Variants in OPHN1 observed in about 807,000 individuals in gnomAD.
OPHN1 encodes the protein oligophrenin-1.
OPHN1 carries 11 observed loss-of-function variants against 60.7 expected under a neutral mutation model. That is an observed-to-expected ratio of 0.18 (90% CI 0.11 to 0.30). The LOEUF (loss-of-function observed/expected upper bound fraction) is 0.30, where lower values mean the gene tolerates loss of function less well. Among genes scored for constraint, OPHN1 ranks in the 10% least tolerant of loss-of-function variants. The pLI, the probability that OPHN1 is intolerant of heterozygous loss-of-function variation, is 1.00. For synonymous variants in OPHN1, 226 were observed against 222.6 expected (o/e 1.02, Z -0.14); for missense variants, 449 against 611.0 (o/e 0.73, Z 2.80).
chrX:68,050,009 G>A lies in OPHN1; in HGVS notation c.2376-1552C>T, dbSNP rs531182685. Among the ~76,000 whole-genome samples, 11 of 111,890 alleles carry A rather than the reference G, an allele frequency of 9.8e-5. No homozygotes were observed. The South Asian group carries it at 3.0e-3, about 31-fold the overall frequency. On this transcript the variant is annotated intron_variant, in intron 23 of 24. Coordinates refer to ENST00000355520, the MANE Select transcript of OPHN1 (RefSeq NM_002547.3). The stretch of plus-strand genomic sequence containing the variant: ...AGGCCGTAGTCAGGTATACAAATGG[G>A]GACCAAAAAGGGGCAAGACAAAGTT...
chrX:68,340,615 A>G (rs2078346615), intron 2 of OPHN1, among the ~76,000 whole-genome samples: 1 of 112,133 alleles, frequency 8.9e-6, no homozygotes, highest in African/African-American at 3.2e-5. Flanking sequence ...AAGAAAACAT[A>G]GGGATAAATC....
At position 68,125,930 on chromosome X, in the gene OPHN1, A is replaced by AATATATATATATATATATATAT. The variant is rs59058075; in HGVS notation, c.1277-6620_1277-6599dup. Among the ~76,000 whole-genome samples the AATATATATATATATATATATAT allele has an allele frequency of 4.1e-3, 90 of 22,198 alleles. 1 individual carries two copies. Among genetic ancestry groups the AATATATATATATATATATATAT allele is most frequent in the African/African-American group, 5.7e-3 (53 of 9,301 alleles). 19.3% of individuals were successfully genotyped at this position (22,198 alleles called of 115,157 possible). The stretch of plus-strand genomic sequence containing the variant: ...AAGCTATTGGCCATAACCACTGATC[A>AATATATATATATATATATATAT]ATATATATATATATATATATATATA... On this transcript the variant is annotated intron_variant, in intron 15 of 24. Coordinates refer to ENST00000355520, the MANE Select transcript of OPHN1 (RefSeq NM_002547.3).
chrX:68,347,897 G>T (rs1277889957), intron 2 of OPHN1, among the ~76,000 whole-genome samples: 1 of 111,860 alleles, frequency 8.9e-6, no homozygotes, highest in East Asian at 2.8e-4. Context: ...ATGGATTTTG[G>T]AGACAAAAGT....
At chrX:68,367,279 G>A (rs1400319002) in intron 2 of OPHN1, among the ~76,000 whole-genome samples, 1 of 106,984 alleles carries the variant, frequency 9.3e-6, no homozygotes, top group African/African-American at 3.4e-5. Flanking sequence ...ACTTGAACCC[G>A]GGAGGCAGAT....
chrX:68,185,212 A>G (rs895325730), intron 15 of OPHN1, among the ~76,000 whole-genome samples: 1 of 112,693 alleles, frequency 8.9e-6, no homozygotes, highest in African/African-American at 3.2e-5. Context: ...AACAAAAGCT[A>G]TATTTTGTGA....
intron 11 of OPHN1, among the ~76,000 whole-genome samples, chrX:68,197,768 G>A (rs2077518884): frequency 9.0e-6 from 1 of 111,699 alleles, no homozygotes; most frequent in African/African-American, 3.3e-5. Flanking sequence ...ACACAGGGAG[G>A]AGGCGTTTTG....
intron 18 of OPHN1, among the ~76,000 whole-genome samples, chrX:68,105,492 A>C (rs993112663): frequency 9.0e-6 from 1 of 110,743 alleles, no homozygotes; most frequent in Non-Finnish European, 1.9e-5. Context: ...AAAGGATGAG[A>C]TCATGTCCTT....
chrX:68,071,194 AGC>A, intron 20 of OPHN1: 1 of 667,849 alleles, frequency 1.5e-6, no homozygotes, highest in South Asian at 2.2e-5. Flanking sequence ...AAAGTAGTTC[AGC>A]TCCTTCTTCA....
In OPHN1 at chrX:68,046,275, A is replaced by G. The variant is rs781601760; in HGVS notation, c.*897T>C. ...AAGGCAAACATGAAGCAGCAGTGAC[A>G]GCTGCCTGGCCTCAATCCACCTTAA... On this transcript the variant is annotated 3_prime_UTR_variant, in exon 25 of 25. Coordinates refer to ENST00000355520, the MANE Select transcript of OPHN1 (RefSeq NM_002547.3). 5.3e-5 allele frequency: 6 copies of G among 112,321 alleles called. No individual in the cohort carries two copies. The East Asian group carries it at 1.7e-3, about 32-fold the overall frequency. 9.3% of individuals were successfully genotyped at this position (112,321 alleles called of 1,213,427 possible). A position where few individuals can be genotyped will look rare whatever the true frequency, so the allele number is the denominator to read the frequency against.
chrX:68,227,403 G>A (rs183299473), intron 6 of OPHN1, among the ~76,000 whole-genome samples: 34 of 110,811 alleles, frequency 3.1e-4, no homozygotes, highest in East Asian at 2.3e-3. Flanking sequence ...TGCACCAAGC[G>A]GACCTAATAG....
intron 15 of OPHN1, among the ~76,000 whole-genome samples, chrX:68,187,677 G>T (rs1157655026): frequency 1.8e-5 from 2 of 110,862 alleles, no homozygotes; most frequent in African/African-American, 6.6e-5. Flanking sequence ...GCCCAGGCTG[G>T]AGTGCAGTGG....
intron 2 of OPHN1, among the ~76,000 whole-genome samples, chrX:68,317,533 AAG>A (rs1334031857): frequency 1.9e-5 from 1 of 53,347 alleles, no homozygotes; most frequent in Non-Finnish European, 2.9e-5. Flanking sequence ...GAAAGAAAGA[AAG>A]AAAAAAAGAA....
chrX:68,133,051 A>T, intron 15 of OPHN1: 1 of 499,999 alleles, frequency 2.0e-6, no homozygotes, highest in East Asian at 3.7e-5. Context: ...AGTCCGCCCC[A>T]CTCGGCAGCA....
intron 15 of OPHN1, among the ~76,000 whole-genome samples, chrX:68,175,219 A>C (rs1480699383): frequency 9.0e-6 from 1 of 111,665 alleles, no homozygotes; most frequent in Non-Finnish European, 1.9e-5. Context: ...AAATGGAAAA[A>C]GTTTTAGGAG....
intron 11 of OPHN1, 81 bp downstream of exon 11, chrX:68,201,538 T>A: frequency 2.6e-6 from 2 of 769,305 alleles, no homozygotes; most frequent in Non-Finnish European, 4.0e-6. Context: ...CAACGTGGGA[T>A]GACGGAGGAA....
At chrX:68,263,126 T>G (rs771084670) in intron 5 of OPHN1, among the ~76,000 whole-genome samples, 23 of 111,976 alleles carry the variant, frequency 2.1e-4, no homozygotes, top group Non-Finnish European at 3.2e-4. Context: ...TAATCCTGCT[T>G]GAATAACAGG....
At chrX:68,259,049 C>T (rs2077880483) in intron 5 of OPHN1, among the ~76,000 whole-genome samples, 1 of 111,580 alleles carries the variant, frequency 9.0e-6, no homozygotes, top group Non-Finnish European at 1.9e-5. Context: ...AATTCTATTT[C>T]TAAGTATATA....
At chrX:68,096,251 C>T (rs954496382) in intron 19 of OPHN1, among the ~76,000 whole-genome samples, 1 of 111,600 alleles carries the variant, frequency 9.0e-6, no homozygotes, top group Admixed American at 9.6e-5. Context: ...AACAAACAAG[C>T]CTTGCTAAGA....
chrX:68,094,704 C>A (rs189792023), intron 19 of OPHN1, among the ~76,000 whole-genome samples: 258 of 111,317 alleles, frequency 2.3e-3, no homozygotes, highest in African/African-American at 8.0e-3. Context: ...ATCTAAAATT[C>A]TTCCAGTGGA....
Sources: gnomAD v4.1 joint callset for allele counts (sites outside exome capture counted in the v4.1 genomes callset) on GRCh38, gnomAD v4.1.1 for gene constraint, MANE v1.5 for transcripts, NCBI Gene and HGNC (gene_info 2026-07-23, HGNC 2026-07-21) for gene names.